The following JAK2 variants were observed in gnomAD, a reference collection of about 807,000 sequenced individuals.
The protein encoded by JAK2 is Janus kinase 2, also known as tyrosine-protein kinase JAK2.
Under a neutral mutation model 139.3 loss-of-function variants are expected in JAK2, and 86 were observed. The observed-to-expected ratio is 0.62, with a 90% CI of 0.52 to 0.74. The LOEUF is 0.74. Among genes scored for constraint, JAK2 ranks in the 30% least tolerant of loss-of-function variants. The probability of loss-of-function intolerance (pLI) is 0.00; values close to 1 mark genes in which losing one functional copy is unlikely to be tolerated. For missense variants in JAK2, 1,421 were observed against 1,360.3 expected (o/e 1.04, Z -0.70); for synonymous variants, 490 against 437.7 (o/e 1.12, Z -1.49).
intron 22 of JAK2, chr9:5,111,374 C>G (rs1336061270): frequency 2.5e-6 from 1 of 402,696 alleles, no homozygotes; most frequent in Non-Finnish European, 4.8e-6. Context: ...CCTACGCCAG[C>G]AGCTCTGGCG....
intron 16 of JAK2, among the ~76,000 whole-genome samples, chr9:5,079,598 G>A (rs1819541091): frequency 6.6e-6 from 1 of 151,120 alleles, no homozygotes; most frequent in Non-Finnish European, 1.5e-5. Context: ...GCATTATGAA[G>A]AAATACCAAA....
chr9:5,097,641 G>A (rs908166500), intron 22 of JAK2: 2 of 152,150 alleles, frequency 1.3e-5, no homozygotes, highest in East Asian at 1.9e-4. Context: ...TAGCTACACT[G>A]CGTGGTGGTA....
chr9:5,004,057 T>C (rs1440436115), intron 2 of JAK2, among the ~76,000 whole-genome samples: 1 of 152,150 alleles, frequency 6.6e-6, no homozygotes, highest in East Asian at 1.9e-4. Context: ...CAACATGACA[T>C]TTTGTTATAT....
At chr9:5,032,801 CAG>C (rs1309649153) in intron 4 of JAK2, among the ~76,000 whole-genome samples, 1 of 152,172 alleles carries the variant, frequency 6.6e-6, no homozygotes, top group Non-Finnish European at 1.5e-5. Context: ...GGGGAAAAAA[CAG>C]AGCAGAAAAA....
Position 5,090,773 on chromosome 9 carries a change from A to T in JAK2, c.2921A>T (p.His974Leu). ...MEYLGTKRYI[H>L]RDLATRNILV... Reference sequence around the variant, plus strand: ...TATCTTGGTACAAAAAGGTATATCCACAGGGATCTGGCAACGAGAAATATA... The same window carrying T: ...TATCTTGGTACAAAAAGGTATATCCTCAGGGATCTGGCAACGAGAAATATA... The change falls in exon 22 of 25, where the codon CAC becomes CTC. Residue 974 changes from histidine to leucine, a missense_variant. His to Leu is a moderately conservative substitution (Grantham distance 99). Transcript: ENST00000381652. 1 of 1,612,294 alleles carries T rather than the reference A, an allele frequency of 6.2e-7. No individual in the cohort carries two copies. The highest frequency in any genetic ancestry group is 8.5e-7 in the Non-Finnish European group (1 of 1,179,428).
At chr9:5,045,049 C>G (rs973883425) in intron 5 of JAK2, among the ~76,000 whole-genome samples, 5 of 152,122 alleles carry the variant, frequency 3.3e-5, no homozygotes, top group Non-Finnish European at 7.4e-5. Context: ...ACAGTTATGT[C>G]AAATTTTTGT....
intron 22 of JAK2, chr9:5,114,233 C>T: frequency 1.9e-6 from 1 of 525,082 alleles, no homozygotes; most frequent in South Asian, 1.7e-5. Context: ...TGTTCATCCG[C>T]AAGTTGCCCA....
chr9:5,085,129 T>C (rs1819982929), intron 19 of JAK2: 2 of 648,678 alleles, frequency 3.1e-6, no homozygotes, highest in South Asian at 1.4e-5. Flanking sequence ...TTTTACACCA[T>C]CACTCTGTAA....
chr9:5,032,613 G>T (rs1227306892), intron 4 of JAK2, among the ~76,000 whole-genome samples: 2 of 152,220 alleles, frequency 1.3e-5, no homozygotes, highest in African/African-American at 4.8e-5. Flanking sequence ...TGCAGCCACT[G>T]CTGCTGGTAC....
intron 22 of JAK2, chr9:5,113,919 AC>A (rs896144642): frequency 1.9e-4 from 44 of 236,170 alleles, no homozygotes; most frequent in Middle Eastern, 5.6e-4. Flanking sequence ...GTGGACACTT[AC>A]CCCCGACCAT....
intron 22 of JAK2, among the ~76,000 whole-genome samples, chr9:5,093,289 A>G (rs971617330): frequency 3.9e-5 from 6 of 152,316 alleles, no homozygotes; most frequent in African/African-American, 1.2e-4. Context: ...CTGTTTACCA[A>G]AAACATCACC....
At chr9:5,089,593 A>G (rs1820413141) in intron 19 of JAK2, 81 bp from the exon 20 acceptor site, 4 of 483,778 alleles carry the variant, frequency 8.3e-6, no homozygotes, top group African/African-American at 6.3e-5. Flanking sequence ...AGCTACTAGA[A>G]TTTTCTATAT....
At chr9:5,074,731 C>T (rs1206960393) in intron 14 of JAK2, among the ~76,000 whole-genome samples, 2 of 152,136 alleles carry the variant, frequency 1.3e-5, no homozygotes, top group African/African-American at 4.8e-5. Flanking sequence ...GAAGATTCAC[C>T]CGTCTCTCAC....
At chr9:5,029,737 T>C (rs200860354) in intron 3 of JAK2, 46 bp from the exon 4 acceptor site, 42 of 1,507,068 alleles carry the variant, frequency 2.8e-5, no homozygotes, top group Middle Eastern at 1.8e-4. Context: ...TGTAAAAATA[T>C]TCTGTTGTGT....
Position 5,066,797 on chromosome 9 carries a change from T to C in JAK2, c.1326+8T>C, listed in dbSNP as rs1216614377. The C allele has an allele frequency of 1.5e-6, 2 of 1,307,618 alleles. No homozygotes were observed. The highest frequency in any genetic ancestry group is 3.0e-5 in the African/African-American group (2 of 66,348). 81.0% of individuals were successfully genotyped at this position (1,307,618 alleles called of 1,614,324 possible). A position where few individuals can be genotyped will look rare whatever the true frequency, so the allele number is the denominator to read the frequency against. On this transcript the variant is annotated splice_region_variant and intron_variant, in intron 10 of 24. Transcript: ENST00000381652. The stretch of plus-strand genomic sequence containing the variant: ...TTGACTTTTGCTGTCGAGGTTAGTA[T>C]GTCACACTTATTAGTGGTAACACTT...
At chr9:5,118,767 A>G (rs1022135017) in intron 22 of JAK2, among the ~76,000 whole-genome samples, 4 of 152,178 alleles carry the variant, frequency 2.6e-5, no homozygotes, top group Non-Finnish European at 5.9e-5. Flanking sequence ...ATGCAGGAAA[A>G]AAGTACAGTA....
intron 4 of JAK2, among the ~76,000 whole-genome samples, chr9:5,043,181 A>G (rs1004029485): frequency 6.6e-6 from 1 of 151,890 alleles, no homozygotes; most frequent in Admixed American, 6.6e-5. Context: ...TGGCTGGCGG[A>G]CTCCCAGCGG....
At chr9:5,111,105 C>A (rs1378540303) in intron 22 of JAK2, 2 of 1,221,840 alleles carry the variant, frequency 1.6e-6, no homozygotes, top group East Asian at 2.9e-5. Context: ...GCGACCAGAA[C>A]AGCTCCTCCT....
At chr9:5,050,357 G>A (rs2130374790) in intron 5 of JAK2, among the ~76,000 whole-genome samples, 1 of 152,264 alleles carries the variant, frequency 6.6e-6, no homozygotes, top group East Asian at 1.9e-4. Context: ...GTGCAGTGGT[G>A]TGATCATAGC....
Sources: allele counts gnomAD v4.1 joint callset (sites outside exome capture counted in the v4.1 genomes callset), GRCh38; gene constraint gnomAD v4.1.1; transcripts MANE v1.5; gene names NCBI Gene and HGNC (gene_info 2026-07-23, HGNC 2026-07-21).